Variants in CD14 observed in about 807,000 individuals in gnomAD.
CD14 encodes the protein CD14 molecule.
In CD14, 4 loss-of-function variants were observed where a neutral mutation model predicts 2.5. The observed-to-expected ratio is 1.63, with a 90% CI of 0.80 to 3.72. CD14 has a LOEUF of 3.72. Among genes scored for constraint, CD14 ranks in the 30% most tolerant of loss-of-function variants. The probability of loss-of-function intolerance (pLI) is 0.01; values close to 1 mark genes in which losing one functional copy is unlikely to be tolerated. For synonymous variants in CD14, 236 were observed against 235.1 expected (o/e 1.00, Z -0.04); for missense variants, 478 against 497.8 (o/e 0.96, Z 0.38).
At chr5:140,633,498 AC>A (rs1232011767), upstream of CD14, 1 of 310,006 alleles carries the variant, frequency 3.2e-6, no homozygotes, top group African/African-American at 2.1e-5. Flanking sequence ...CCAGTACCAT[AC>A]TCTGCACTAT....
chr5:140,632,952 A>G lies in CD14; in HGVS notation c.32T>C (p.Leu11Pro), dbSNP rs1390367987. The G allele has an allele frequency of 6.2e-7, 1 of 1,614,148 alleles. No individual in the cohort carries two copies. The highest frequency in any genetic ancestry group is 2.2e-5 in the East Asian group (1 of 44,874). The change falls in exon 2 of 2, where the codon CTG becomes CCG. Residue 11 changes from leucine (L) to proline (P), a missense_variant. Leu to Pro is a moderately conservative substitution (Grantham distance 98, BLOSUM62 -3). Transcript: ENST00000302014. This position sits in a 1 kb window ranked among gnomAD's most constrained non-coding sequence, Gnocchi z 6.2. The stretch of plus-strand genomic sequence containing the variant: ...CGCAGAGACGTGCACCAGCGGCAGC[A>G]GCAGCAGCAACAAGCAGGACGCGCG... MERASCLLLLLLPLVHVSATT... is the reference protein window; with the variant it reads MERASCLLLLPLPLVHVSATT...
upstream of CD14, chr5:140,633,195 G>C: frequency 8.3e-7 from 1 of 1,204,476 alleles, no homozygotes; most frequent in South Asian, 1.3e-5. Flanking sequence ...GGCTGCCTCT[G>C]ACAGTTTATG....
chr5:140,632,164 A>C lies in CD14; in HGVS notation c.820T>G (p.Trp274Gly). The change falls in exon 2 of 2, where the codon TGG becomes GGG. Residue 274 changes from tryptophan (W) to glycine (G), a missense_variant. Coordinates refer to ENST00000302014, the MANE Select transcript of CD14 (RefSeq NM_000591.4). The surrounding 1 kb of genome is among the most constrained non-coding windows in gnomAD (Gnocchi z 6.2). ...TVNPSAPRCM[W>G]SSALNSLNLS... Reference sequence around the variant, plus strand: ...TTGAGGGAGTTCAGGGCGCTGGACCACATGCATCTCGGAGCGCTAGGGTTT... The same window carrying C: ...TTGAGGGAGTTCAGGGCGCTGGACCCCATGCATCTCGGAGCGCTAGGGTTT... The C allele has an allele frequency of 6.2e-7, 1 of 1,614,078 alleles. No individual in the cohort carries two copies. Among genetic ancestry groups the C allele is most frequent in the Non-Finnish European group, 8.5e-7 (1 of 1,179,942 alleles).
In CD14 at chr5:140,632,887, G is replaced by A. The variant is rs765027427; in HGVS notation, c.97C>T (p.Arg33Cys). Residue 33 changes from arginine (R) to cysteine (C), a missense_variant, in exon 2 of 2, where the codon CGC becomes TGC. By Grantham distance (180) the Arg-to-Cys change is radical (BLOSUM62 -3). Transcript: ENST00000302014. The surrounding 1 kb of genome is among the most constrained non-coding windows in gnomAD (Gnocchi z 6.2). ...GGTTCGGAGAAGTTGCAGACGCAGC[G>A]GAAATCTTCATCGTCCAGCTCACAA... Reference protein sequence around the residue: ...EPCELDDEDFRCVCNFSEPQP... With the variant: ...EPCELDDEDFCCVCNFSEPQP... 13 of 1,614,172 alleles carry A rather than the reference G, an allele frequency of 8.1e-6. No individual in the cohort carries two copies. The highest frequency in any genetic ancestry group is 1.7e-5 in the Admixed American group (1 of 60,016).
Position 140,631,755 on chromosome 5 carries a change from G to A in CD14, c.*101C>T, listed in dbSNP as rs1442551980. ...CCCGTTGTTTAAGATTTTAATAAAG[G>A]TGGGGCAAAGGGTTGAATTGGTCGA... is the stretch of plus-strand genomic sequence containing the variant. On this transcript the variant is annotated 3_prime_UTR_variant, in exon 2 of 2. Transcript: ENST00000302014. The A allele has an allele frequency of 1.7e-5, 19 of 1,095,250 alleles. No individual in the cohort carries two copies. The South Asian group carries it at 3.0e-4, about 17-fold the overall frequency. The allele number at this position is 1,095,250 out of a possible 1,614,324, so 67.8% of individuals were successfully genotyped here.
rs1756617592 is a variant in CD14 at position 140,632,420 on chromosome 5, T to C, written c.564A>G (p.Glu188=). The C allele has an allele frequency of 3.1e-6, 5 of 1,614,206 alleles. No homozygotes were observed. The highest frequency in any genetic ancestry group is 4.2e-6 in the Non-Finnish European group (5 of 1,180,046). The part of the protein sequence containing the change: ...AQAHSPAFSC[E]QVRAFPALTS... ...TAAGGGCCGGGAAGGCGCGAACCTG[T>C]TCGCAGGAAAAGGCAGGCGAGTGTG... The change falls in exon 2 of 2, where the codon GAA becomes GAG. Residue 188 remains glutamate, a synonymous_variant. Transcript: ENST00000302014. The surrounding 1 kb of genome is among the most constrained non-coding windows in gnomAD (Gnocchi z 6.2).
rs576515010 is a variant in CD14 at position 140,632,595 on chromosome 5, C to A, written c.389G>T (p.Gly130Val). The A allele has an allele frequency of 7.4e-6, 12 of 1,613,952 alleles. No homozygotes were observed. Among genetic ancestry groups the A allele is most frequent in the Admixed American group, 1.7e-5 (1 of 60,022 alleles). The change falls in exon 2 of 2, where the codon GGC becomes GTC. Residue 130 changes from glycine (G) to valine (V), a missense_variant. Gly to Val is a moderately radical substitution (Grantham distance 109). Coordinates refer to ENST00000302014, the MANE Select transcript of CD14 (RefSeq NM_000591.4). This position sits in a 1 kb window ranked among gnomAD's most constrained non-coding sequence, Gnocchi z 6.2. ...TTCCAGAGGCAGCGGAGGCATGGTG[C>A]CGGTTATCTTTAGGTCCTCGAGCGT... ...ELTLEDLKIT[G>V]TMPPLPLEAT...
Position 140,631,887 on chromosome 5 carries a change from A to G in CD14, c.1097T>C (p.Val366Ala). 1 of 1,586,082 alleles carries G rather than the reference A, an allele frequency of 6.3e-7. No homozygotes were observed. Among genetic ancestry groups the G allele is most frequent in the Non-Finnish European group, 8.6e-7 (1 of 1,161,614 alleles). ...TLSVGVSGTL[V>A]LLQGARGFA is the part of the protein sequence containing the mutation. ...AAAGCCCCGGGCCCCTTGGAGCAGC[A>G]CCAGGGTTCCCGACACCCCCACCGA... Residue 366 changes from valine to alanine, a missense_variant, in exon 2 of 2, where the codon GTG becomes GCG. Coordinates refer to ENST00000302014, the MANE Select transcript of CD14 (RefSeq NM_000591.4).
At position 140,632,476 on chromosome 5, in the gene CD14, G is replaced by A. The variant is rs1756620575; in HGVS notation, c.508C>T (p.Pro170Ser). 1 of 1,614,156 alleles carries A rather than the reference G, an allele frequency of 6.2e-7. No homozygotes were observed. The highest frequency in any genetic ancestry group is 1.1e-5 in the South Asian group (1 of 91,088). ...GCAATGCTCAGTACCTTGAGGCCTG[G>A]CTTGAGCCACTGCTGCAGCTCGGCG... is the stretch of plus-strand genomic sequence containing the variant. Reference protein sequence around the residue: ...WLAELQQWLKPGLKVLSIAQA... With the variant: ...WLAELQQWLKSGLKVLSIAQA... Residue 170 changes from proline (P) to serine (S), a missense_variant, in exon 2 of 2, where the codon CCA becomes TCA. By Grantham distance (74) the Pro-to-Ser change is moderately conservative. Transcript: ENST00000302014. This position sits in a 1 kb window ranked among gnomAD's most constrained non-coding sequence, Gnocchi z 6.2.
rs1756628544 is a variant in CD14, at chr5:140,632,559, A to C, written c.425T>G (p.Leu142Arg). The C allele has an allele frequency of 1.2e-6, 2 of 1,614,108 alleles. No individual in the cohort carries two copies. The highest frequency in any genetic ancestry group is 1.7e-6 in the Non-Finnish European group (2 of 1,180,022). Residue 142 changes from leucine (L) to arginine (R), a missense_variant, in exon 2 of 2, where the codon CTT (leucine) becomes CGT (arginine). Coordinates refer to ENST00000302014, the MANE Select transcript of CD14 (RefSeq NM_000591.4). This position sits in a 1 kb window ranked among gnomAD's most constrained non-coding sequence, Gnocchi z 6.2. ...MPPLPLEATG[L>R]ALSSLRLRNV... is the part of the protein sequence containing the mutation. ...GCGTAGGCGCAAGCTGGAAAGTGCA[A>C]GTCCTGTGGCTTCCAGAGGCAGCGG...
At position 140,632,497 on chromosome 5, in the gene CD14, C is replaced by T. The variant is rs200391671; in HGVS notation, c.487G>A (p.Glu163Lys). ...SWATGRSWLA[E>K]LQQWLKPGLK... ...CCTGGCTTGAGCCACTGCTGCAGCT[C>T]GGCGAGCCAAGAACGCCCTGTCGCC... The change falls in exon 2 of 2, where the codon GAG becomes AAG. Residue 163 changes from glutamate to lysine, a missense_variant. Transcript: ENST00000302014. The surrounding 1 kb of genome is among the most constrained non-coding windows in gnomAD (Gnocchi z 6.2). 1.9e-6 allele frequency: 3 copies of T among 1,613,858 alleles called. No individual in the cohort carries two copies. Among genetic ancestry groups the T allele is most frequent in the South Asian group, 2.2e-5 (2 of 91,094 alleles).
At position 140,632,518 on chromosome 5, in the gene CD14, T is replaced by TCGC. The variant is rs1401983064; in HGVS notation, c.463_465dup (p.Ala155dup). 1 of 1,614,152 alleles carries TCGC rather than the reference T, an allele frequency of 6.2e-7. No individual in the cohort carries two copies. Among genetic ancestry groups the TCGC allele is most frequent in the Non-Finnish European group, 8.5e-7 (1 of 1,180,036 alleles). On this transcript the variant is annotated inframe_insertion, in exon 2 of 2. Coordinates refer to ENST00000302014, the MANE Select transcript of CD14 (RefSeq NM_000591.4). The surrounding 1 kb of genome is among the most constrained non-coding windows in gnomAD (Gnocchi z 6.2). ...AGCTCGGCGAGCCAAGAACGCCCTG[T>TCGC]CGCCCACGACACGTTGCGTAGGCGC...
Position 140,632,694 on chromosome 5 carries a change from C to G in CD14, c.290G>C (p.Gly97Ala). ...KALRVRRLTV[G>A]AAQVPAQLLV... ...TAGCTGAGCAGGAACCTGTGCGGCT[C>G]CCACTGTGAGCCGCCGCACGCGGAG... The change falls in exon 2 of 2, where the codon GGA (glycine) becomes GCA (alanine). Residue 97 changes from glycine (G) to alanine (A), a missense_variant. Coordinates refer to ENST00000302014, the MANE Select transcript of CD14 (RefSeq NM_000591.4). This position sits in a 1 kb window ranked among gnomAD's most constrained non-coding sequence, Gnocchi z 6.2. 6.2e-7 allele frequency: 1 copy of G among 1,613,800 alleles called. No individual in the cohort carries two copies.
upstream of CD14, chr5:140,633,333 C>T (rs1037628440): frequency 3.4e-5 from 20 of 592,146 alleles, no homozygotes; most frequent in South Asian, 3.4e-4. Context: ...GGAGGGGGAC[C>T]GTAACAGGAA....
chr5:140,632,732 G>A lies in CD14; in HGVS notation c.252C>T (p.Asp84=), dbSNP rs1011045674. 6.2e-7 allele frequency: 1 copy of A among 1,613,704 alleles called. No homozygotes were observed. Among genetic ancestry groups the A allele is most frequent in the Non-Finnish European group, 8.5e-7 (1 of 1,180,008 alleles). Reference sequence around the variant, plus strand: ...GCCGCACGCGGAGAGCCTTGACCGTGTCAGCATACTGCCGCGGGTCGGCGT... The same window carrying A: ...GCCGCACGCGGAGAGCCTTGACCGTATCAGCATACTGCCGCGGGTCGGCGT... ...DADADPRQYA[D]TVKALRVRRL... Residue 84 remains aspartate (D), a synonymous_variant, in exon 2 of 2, where the codon GAC becomes GAT. Coordinates refer to ENST00000302014, the MANE Select transcript of CD14 (RefSeq NM_000591.4). The surrounding 1 kb of genome is among the most constrained non-coding windows in gnomAD (Gnocchi z 6.2).
At chr5:140,633,647 T>C (rs1484812632), upstream of CD14, 1 of 159,736 alleles carries the variant, frequency 6.3e-6, no homozygotes, top group Non-Finnish European at 1.4e-5. Context: ...TTTAACTGCA[T>C]GTTTTGTGGA....
In CD14 at chr5:140,632,416, C is replaced by T. The variant is rs766763625; in HGVS notation, c.568G>A (p.Val190Ile). 1.2e-6 allele frequency: 2 copies of T among 1,614,220 alleles called. No homozygotes were observed. Among genetic ancestry groups the T allele is most frequent in the South Asian group, 1.1e-5 (1 of 91,092 alleles). The change falls in exon 2 of 2, where the codon GTT becomes ATT. Residue 190 changes from valine (V) to isoleucine (I), a missense_variant. By Grantham distance (29) the Val-to-Ile change is conservative. Coordinates refer to ENST00000302014, the MANE Select transcript of CD14 (RefSeq NM_000591.4). The surrounding 1 kb of genome is among the most constrained non-coding windows in gnomAD (Gnocchi z 6.2). ...CTGGTAAGGGCCGGGAAGGCGCGAA[C>T]CTGTTCGCAGGAAAAGGCAGGCGAG... ...AHSPAFSCEQ[V>I]RAFPALTSLD...
Position 140,631,855 on chromosome 5 carries a change from C to T in CD14, c.*1G>A, listed in dbSNP as rs367815625. 1.3e-6 allele frequency: 2 copies of T among 1,547,838 alleles called. No individual in the cohort carries two copies. Among genetic ancestry groups the T allele is most frequent in the East Asian group, 4.5e-5 (2 of 44,154 alleles). ...GTCCATTCATTATTCTGTCTTGGAT[C>T]TTAGGCAAAGCCCCGGGCCCCTTGG... On this transcript the variant is annotated 3_prime_UTR_variant, in exon 2 of 2. Transcript: ENST00000302014.
rs1016114528 is a variant in CD14 at position 140,631,870 on chromosome 5, G to T, written c.1114C>A (p.Arg372=). The T allele has an allele frequency of 6.4e-7, 1 of 1,563,200 alleles. No homozygotes were observed. Among genetic ancestry groups the T allele is most frequent in the Middle Eastern group, 1.7e-4 (1 of 5,796 alleles). ...SGTLVLLQGA[R]GFA is the part of the protein sequence containing the mutation. Reference sequence around the variant, plus strand: ...TGTCTTGGATCTTAGGCAAAGCCCCGGGCCCCTTGGAGCAGCACCAGGGTT... The same window carrying T: ...TGTCTTGGATCTTAGGCAAAGCCCCTGGCCCCTTGGAGCAGCACCAGGGTT... The change falls in exon 2 of 2, where the codon CGG becomes AGG. Residue 372 remains arginine, a synonymous_variant. Transcript: ENST00000302014.
Sources: allele counts gnomAD v4.1 joint callset, GRCh38; gene constraint gnomAD v4.1.1; non-coding constraint Gnocchi (gnomAD v3.1); transcripts MANE v1.5; gene names NCBI Gene and HGNC (gene_info 2026-07-23, HGNC 2026-07-21).